Variants in COG5 observed in about 807,000 individuals in gnomAD.
The protein encoded by COG5 is component of oligomeric golgi complex 5.
In COG5, 86 loss-of-function variants were observed where a neutral mutation model predicts 110.4. The ratio of observed to expected loss-of-function variants is 0.78; its 90% CI spans 0.65 to 0.93. COG5 has a LOEUF of 0.93. Among genes scored for constraint, COG5 ranks in the 40% least tolerant of loss-of-function variants. The probability of loss-of-function intolerance (pLI) is 0.00; values close to 1 mark genes in which losing one functional copy is unlikely to be tolerated. For synonymous variants in COG5, 360 were observed against 334.6 expected (o/e 1.08, Z -0.83); for missense variants, 1,077 against 987.0 (o/e 1.09, Z -1.22).
At chr7:107,541,488 C>A (rs1202428576) in intron 5 of COG5, among the ~76,000 whole-genome samples, 4 of 73,090 alleles carry the variant, frequency 5.5e-5, no homozygotes, top group African/African-American at 2.2e-4. Flanking sequence ...CAGAGTGAGA[C>A]CCTGTCTCAA....
intron 8 of COG5, among the ~76,000 whole-genome samples, chr7:107,363,130 G>C (rs1813269716): frequency 6.6e-6 from 1 of 152,104 alleles, no homozygotes; most frequent in African/African-American, 2.4e-5. Context: ...TACGTAACAG[G>C]AATCAGAGGT....
At chr7:107,472,873 T>C (rs186863725) in intron 6 of COG5, 68 of 152,078 alleles carry the variant, frequency 4.5e-4, no homozygotes, top group African/African-American at 1.3e-3. Flanking sequence ...ATGTGAAATA[T>C]AGTTGGTTGT....
At chr7:107,514,025 G>T (rs541221684) in intron 6 of COG5, among the ~76,000 whole-genome samples, 41 of 151,686 alleles carry the variant, frequency 2.7e-4, no homozygotes, top group African/African-American at 9.2e-4. Flanking sequence ...TTGTGCACAT[G>T]TACCCTAAAA....
chr7:107,508,269 G>C (rs373686066), intron 6 of COG5, among the ~76,000 whole-genome samples: 9 of 152,362 alleles, frequency 5.9e-5, no homozygotes, highest in African/African-American at 2.2e-4. Flanking sequence ...TGCCCACAGA[G>C]TCTCGCTGAT....
intron 5 of COG5, among the ~76,000 whole-genome samples, chr7:107,529,478 G>A (rs112946817): frequency 0.013 from 1,904 of 152,292 alleles, 51 homozygotes; most frequent in African/African-American, 0.042. Flanking sequence ...ACAAAATGGT[G>A]GAGTATGACC....
At chr7:107,403,386 C>T (rs1053917229) in intron 7 of COG5, among the ~76,000 whole-genome samples, 9 of 144,312 alleles carry the variant, frequency 6.2e-5, no homozygotes, top group Non-Finnish European at 1.4e-4. Context: ...GAAAGACACC[C>T]TTTTTTTTTT....
intron 6 of COG5, among the ~76,000 whole-genome samples, chr7:107,416,613 C>T (rs556665359): frequency 1.1e-3 from 162 of 152,184 alleles, no homozygotes; most frequent in East Asian, 9.6e-3. Flanking sequence ...TTAAAAACTA[C>T]GTATGAACCA....
chr7:107,354,094 AAT>A (rs1401661663), intron 10 of COG5, among the ~76,000 whole-genome samples: 11 of 152,218 alleles, frequency 7.2e-5, no homozygotes, highest in Non-Finnish European at 1.5e-4. Flanking sequence ...ACAACTAAGA[AAT>A]ATCATTTTCA....
intron 1 of COG5, among the ~76,000 whole-genome samples, chr7:107,561,218 A>G (rs1247839479): frequency 1.2e-4 from 19 of 152,240 alleles, no homozygotes; most frequent in Admixed American, 8.5e-4. Flanking sequence ...CATAGAGGGC[A>G]TATCAGAAAC....
At chr7:107,278,137 T>C (rs1257943883) in intron 14 of COG5, among the ~76,000 whole-genome samples, 8 of 152,226 alleles carry the variant, frequency 5.3e-5, no homozygotes, top group Non-Finnish European at 8.8e-5. Context: ...CAGGTTGTAT[T>C]TGCAAGTCAC....
At chr7:107,522,492 C>T (rs1800410195) in intron 6 of COG5, among the ~76,000 whole-genome samples, 1 of 152,010 alleles carries the variant, frequency 6.6e-6, no homozygotes, top group African/African-American at 2.4e-5. Context: ...AACAACAAAA[C>T]CTAGATGACA....
intron 3 of COG5, among the ~76,000 whole-genome samples, chr7:107,549,572 T>G (rs528984680): frequency 5.1e-4 from 77 of 151,210 alleles, no homozygotes; most frequent in African/African-American, 1.8e-3. Context: ...TTTTTTTTTT[T>G]TTTGTATTTT....
At chr7:107,439,992 C>T (rs926126726) in intron 6 of COG5, among the ~76,000 whole-genome samples, 6 of 152,154 alleles carry the variant, frequency 3.9e-5, no homozygotes, top group African/African-American at 7.2e-5. Context: ...TCCTCAGCCC[C>T]AACATCCTCC....
At chr7:107,428,603 A>G (rs1793805195) in intron 6 of COG5, among the ~76,000 whole-genome samples, 1 of 152,222 alleles carries the variant, frequency 6.6e-6, no homozygotes, top group African/African-American at 2.4e-5. Context: ...CTCCAGAACT[A>G]TGTAAGAATA....
intron 6 of COG5, among the ~76,000 whole-genome samples, chr7:107,430,974 G>A (rs1793988066): frequency 6.6e-6 from 1 of 151,892 alleles, no homozygotes; most frequent in African/African-American, 2.4e-5. Flanking sequence ...TTAACCAAGG[G>A]AAGTGGACAA....
chr7:107,450,381 C>T (rs562286367), intron 6 of COG5: 1 of 152,300 alleles, frequency 6.6e-6, no homozygotes, highest in African/African-American at 2.4e-5. Context: ...TCATTTGAGA[C>T]AACACTAGCC....
rs138216003 is a variant in COG5, at chr7:107,548,090, G to A, written c.417+21C>T. 1.0e-3 allele frequency: 1,614 copies of A among 1,593,732 alleles called. 19 individuals carry two copies. In the African/African-American group the frequency reaches 0.02, roughly 20 times the overall value. Reference sequence around the variant, plus strand: ...AACAAAATGAATAATAAAGTATAAAGAAATAAAAGTAAGAAACTACCTGAA... The same window carrying A: ...AACAAAATGAATAATAAAGTATAAAAAAATAAAAGTAAGAAACTACCTGAA... On this transcript the variant is annotated intron_variant, in intron 5 of 21. Transcript: ENST00000297135.
chr7:107,561,891 G>C (rs1438617892), intron 1 of COG5, among the ~76,000 whole-genome samples: 1 of 152,102 alleles, frequency 6.6e-6, no homozygotes, highest in African/African-American at 2.4e-5. Flanking sequence ...CAGGAGAATG[G>C]CGTGAACCCC....
chr7:107,475,538 G>A, intron 6 of COG5: 1 of 480,526 alleles, frequency 2.1e-6, no homozygotes, highest in Non-Finnish European at 3.8e-6. Context: ...ATTACTTAAT[G>A]TATTTGTTGC....
Sources: gnomAD v4.1 joint callset for allele counts (sites outside exome capture counted in the v4.1 genomes callset) on GRCh38, gnomAD v4.1.1 for gene constraint, MANE v1.5 for transcripts, NCBI Gene and HGNC (gene_info 2026-07-23, HGNC 2026-07-21) for gene names.